AUTS2: variants seen among roughly 807,000 people sequenced by gnomAD.
AUTS2 encodes autism susceptibility gene 2 protein.
A neutral mutation model predicts 112.4 loss-of-function variants in AUTS2; 17 were observed. That is an observed-to-expected ratio of 0.15 (90% CI 0.10 to 0.23). The LOEUF (loss-of-function observed/expected upper bound fraction) is 0.23. Ranked by LOEUF, AUTS2 falls within the 10% of genes least tolerant of loss-of-function variation. The probability of loss-of-function intolerance (pLI) is 1.00; values close to 1 mark genes in which losing one functional copy is unlikely to be tolerated. For missense variants in AUTS2, 1,510 were observed against 1,701.6 expected (o/e 0.89, Z 1.98); for synonymous variants, 751 against 702.7 (o/e 1.07, Z -1.09).
chr7:69,881,758 A>C (rs1326643632), intron 1 of AUTS2, among the ~76,000 whole-genome samples: 2 of 152,168 alleles, frequency 1.3e-5, no homozygotes, highest in African/African-American at 4.8e-5. Flanking sequence ...ATGTCTCATA[A>C]ATTACAGAAG....
chr7:70,519,415 G>T (rs1799554995), intron 5 of AUTS2, among the ~76,000 whole-genome samples: 1 of 152,214 alleles, frequency 6.6e-6, no homozygotes, highest in Non-Finnish European at 1.5e-5. Flanking sequence ...GGAATTAATA[G>T]TGAGCGTTGC....
intron 2 of AUTS2, among the ~76,000 whole-genome samples, chr7:70,068,167 AT>A (rs1037976657): frequency 3.6e-4 from 53 of 147,594 alleles, no homozygotes; most frequent in East Asian, 8.0e-4. Context: ...ACATAAGTAG[AT>A]TTTTTTTTTC....
intron 5 of AUTS2, among the ~76,000 whole-genome samples, chr7:70,609,266 A>G (rs927665510): frequency 2.0e-5 from 3 of 152,026 alleles, no homozygotes; most frequent in Non-Finnish European, 4.4e-5. Flanking sequence ...TTGCTTCTAT[A>G]GCTCAACTTT....
chr7:70,158,320 G>A (rs1005194099), intron 4 of AUTS2, among the ~76,000 whole-genome samples: 7 of 152,182 alleles, frequency 4.6e-5, no homozygotes, highest in Non-Finnish European at 8.8e-5. Context: ...GAAGATGGCT[G>A]TGTAAGCATG....
intron 2 of AUTS2, among the ~76,000 whole-genome samples, chr7:70,088,701 C>T (rs1168501843): frequency 6.6e-6 from 1 of 151,748 alleles, no homozygotes; most frequent in African/African-American, 2.4e-5. Context: ...CAACCTCCGC[C>T]TCCCAGGTTC....
chr7:69,702,860 T>C (rs1321723634), intron 1 of AUTS2, among the ~76,000 whole-genome samples: 3 of 152,214 alleles, frequency 2.0e-5, no homozygotes, highest in Non-Finnish European at 4.4e-5. Context: ...GGTTCTCGGC[T>C]TATGTGATTA....
intron 5 of AUTS2, among the ~76,000 whole-genome samples, chr7:70,587,970 G>A (rs182411015): frequency 5.1e-4 from 77 of 152,258 alleles, no homozygotes; most frequent in Admixed American, 2.0e-3. Context: ...AACTGCCGCC[G>A]CACAGTGCTG....
At chr7:70,689,517 C>T (rs1486235030) in intron 5 of AUTS2, among the ~76,000 whole-genome samples, 1 of 151,968 alleles carries the variant, frequency 6.6e-6, no homozygotes, top group Non-Finnish European at 1.5e-5. Context: ...TGGCTCATGC[C>T]TGTAATCCCA....
chr7:70,708,551 A>T (rs2129548780), intron 6 of AUTS2, among the ~76,000 whole-genome samples: 1 of 152,226 alleles, frequency 6.6e-6, no homozygotes, highest in South Asian at 2.1e-4. Context: ...GTATTTTGAA[A>T]TGTTTTTCAA....
At chr7:70,211,845 G>A (rs1273271574) in intron 4 of AUTS2, among the ~76,000 whole-genome samples, 5 of 147,632 alleles carry the variant, frequency 3.4e-5, no homozygotes, top group African/African-American at 1.0e-4. Context: ...AATTAGCGGG[G>A]CGTGATGGCG....
intron 4 of AUTS2, among the ~76,000 whole-genome samples, chr7:70,364,443 G>A (rs563784676): frequency 2.8e-4 from 43 of 152,050 alleles, no homozygotes; most frequent in African/African-American, 9.6e-4. Context: ...GCACGTGCCT[G>A]TAGTCCCAGC....
At chr7:70,648,426 G>A (rs1806296051) in intron 5 of AUTS2, among the ~76,000 whole-genome samples, 1 of 152,152 alleles carries the variant, frequency 6.6e-6, no homozygotes, top group Non-Finnish European at 1.5e-5. Context: ...TCTGTGGTGA[G>A]TTTGCAGTTC....
intron 2 of AUTS2, among the ~76,000 whole-genome samples, chr7:70,044,013 T>C (rs1037354850): frequency 6.6e-6 from 1 of 152,040 alleles, no homozygotes; most frequent in Admixed American, 6.6e-5. Flanking sequence ...TATGAGTGCA[T>C]AAGTGAAATC....
At chr7:70,709,532 G>A (rs1216068754) in intron 6 of AUTS2, among the ~76,000 whole-genome samples, 3 of 152,044 alleles carry the variant, frequency 2.0e-5, no homozygotes, top group African/African-American at 4.8e-5. Flanking sequence ...CCAACATGGC[G>A]AAACCCCATC....
At chr7:69,949,691 A>C (rs1226033806) in intron 2 of AUTS2, among the ~76,000 whole-genome samples, 1 of 152,190 alleles carries the variant, frequency 6.6e-6, no homozygotes, top group African/African-American at 2.4e-5. Context: ...AGATCTGAGT[A>C]GAATGTCACA....
intron 5 of AUTS2, among the ~76,000 whole-genome samples, chr7:70,615,586 G>GTT (rs1020629685): frequency 6.6e-6 from 1 of 151,744 alleles, no homozygotes; most frequent in Non-Finnish European, 1.5e-5. Context: ...TGTTGTTGTT[G>GTT]TTGTTGTTGT....
At chr7:70,402,126 G>A (rs946524853) in intron 4 of AUTS2, among the ~76,000 whole-genome samples, 2 of 152,272 alleles carry the variant, frequency 1.3e-5, no homozygotes, top group African/African-American at 2.4e-5. Context: ...TGTGAAAATA[G>A]GATGTTGTGT....
chr7:69,840,538 A>G (rs955754243), intron 1 of AUTS2, among the ~76,000 whole-genome samples: 5 of 152,186 alleles, frequency 3.3e-5, no homozygotes, highest in Admixed American at 1.3e-4. Flanking sequence ...GGATAAGAAC[A>G]CTGGGCTTCA....
intron 4 of AUTS2, among the ~76,000 whole-genome samples, chr7:70,328,236 T>C (rs1294516819): frequency 6.6e-6 from 1 of 152,148 alleles, no homozygotes; most frequent in Non-Finnish European, 1.5e-5. Context: ...TGCTTGTTTG[T>C]TTTGAGACTG....
Sources: gnomAD v4.1 joint callset for allele counts (sites outside exome capture counted in the v4.1 genomes callset) on GRCh38, gnomAD v4.1.1 for gene constraint, MANE v1.5 for transcripts, NCBI Gene and HGNC (gene_info 2026-07-23, HGNC 2026-07-21) for gene names.